Variants in ANKRD28 observed in about 807,000 individuals in gnomAD.
The protein encoded by ANKRD28 is serine/threonine-protein phosphatase 6 regulatory ankyrin repeat subunit A.
A neutral mutation model predicts 126.5 loss-of-function variants in ANKRD28; 44 were observed. The observed-to-expected ratio is 0.35, with a 90% CI of 0.27 to 0.45. ANKRD28 has a LOEUF of 0.45. Among genes scored for constraint, ANKRD28 ranks in the 20% least tolerant of loss-of-function variants. The pLI, the probability that ANKRD28 is intolerant of heterozygous loss-of-function variation, is 1.00. For synonymous variants in ANKRD28, 442 were observed against 468.5 expected (o/e 0.94, Z 0.73); for missense variants, 1,110 against 1,316.6 (o/e 0.84, Z 2.43).
At chr3:15,825,838 T>TA (rs1174551137) in intron 1 of ANKRD28, among the ~76,000 whole-genome samples, 1 of 152,158 alleles carries the variant, frequency 6.6e-6, no homozygotes, top group Non-Finnish European at 1.5e-5. Flanking sequence ...CAAAAATATG[T>TA]AAAAATATAT....
intron 2 of ANKRD28, among the ~76,000 whole-genome samples, chr3:15,771,917 G>A (rs1031103335): frequency 3.9e-5 from 6 of 152,146 alleles, no homozygotes; most frequent in Non-Finnish European, 8.8e-5. Flanking sequence ...AAATTGCCAA[G>A]TATTTGGGAT....
chr3:15,674,283 T>C (rs1029046825), intron 27 of ANKRD28, among the ~76,000 whole-genome samples: 1 of 150,498 alleles, frequency 6.6e-6, no homozygotes, highest in African/African-American at 2.4e-5. Context: ...AAGAAAAAAG[T>C]GGGCATACTT....
chr3:15,696,069 A>AT, intron 15 of ANKRD28, 65 bp downstream of exon 15: 1 of 1,121,782 alleles, frequency 8.9e-7, no homozygotes, highest in Non-Finnish European at 1.3e-6. Flanking sequence ...ATTTATTCTC[A>AT]TTTTTGTTAC....
At chr3:15,753,352 G>C (rs1383848049) in intron 3 of ANKRD28, among the ~76,000 whole-genome samples, 2 of 152,346 alleles carry the variant, frequency 1.3e-5, no homozygotes, top group South Asian at 4.1e-4. Flanking sequence ...ATGTTTGCCA[G>C]CTGGAAGCTG....
chr3:15,850,208 T>TAC (rs2061614658), intron 1 of ANKRD28, among the ~76,000 whole-genome samples: 1 of 48,754 alleles, frequency 2.1e-5, no homozygotes, highest in Non-Finnish European at 4.2e-5. Flanking sequence ...AAAAAAAATA[T>TAC]ATATATATAT....
Position 15,797,702 on chromosome 3 carries a change from T to C in ANKRD28, c.-1181A>G, listed in dbSNP as rs373306834. On this transcript the variant is annotated 5_prime_UTR_variant, in exon 1 of 28. It adds an upstream start codon to the 5' untranslated region. Transcript: ENST00000683139. ...TGCATCTTCTTTGAGCCAACTACTT[T>C]ATTCAGTCATCTGCCTCTTTGCCAA... The C allele has an allele frequency of 5.1e-6, 5 of 985,436 alleles. No homozygotes were observed. The highest frequency in any genetic ancestry group is 1.7e-5 in the African/African-American group (1 of 57,354). 61.0% of individuals were successfully genotyped at this position (985,436 alleles called of 1,614,324 possible).
intron 4 of ANKRD28, among the ~76,000 whole-genome samples, chr3:15,749,095 G>GTTGTTTTTT (rs2057684898): frequency 9.3e-6 from 1 of 106,994 alleles, no homozygotes; most frequent in Non-Finnish European, 1.8e-5. Context: ...TCTATATTAT[G>GTTGTTTTTT]TTTTTGTTTT....
chr3:15,716,261 C>T (rs901814520), intron 8 of ANKRD28, among the ~76,000 whole-genome samples: 8 of 149,946 alleles, frequency 5.3e-5, no homozygotes, highest in African/African-American at 2.0e-4. Context: ...GGATTACAGG[C>T]ATGAGCCACC....
intron 5 of ANKRD28, 52 bp from the exon 6 acceptor site, chr3:15,735,549 A>G: frequency 7.5e-7 from 1 of 1,334,934 alleles, no homozygotes; most frequent in Non-Finnish European, 1.0e-6. Flanking sequence ...ACAATTGTCT[A>G]TGAATGTACA....
At chr3:15,681,854 G>A (rs534984631) in intron 21 of ANKRD28, among the ~76,000 whole-genome samples, 3 of 152,170 alleles carry the variant, frequency 2.0e-5, no homozygotes, top group Non-Finnish European at 2.9e-5. Context: ...AGAAACCAAT[G>A]ATGCTGCTAA....
intron 3 of ANKRD28, among the ~76,000 whole-genome samples, chr3:15,761,247 C>G (rs2058441750): frequency 2.6e-5 from 4 of 152,078 alleles, no homozygotes; most frequent in Non-Finnish European, 5.9e-5. Context: ...ATTATACCTA[C>G]CTGCTACTAA....
chr3:15,751,823 G>C lies in ANKRD28; in HGVS notation c.281-3C>G. On this transcript the variant is annotated splice_region_variant and splice_polypyrimidine_tract_variant and intron_variant, in intron 3 of 27. Coordinates refer to ENST00000683139, the MANE Select transcript of ANKRD28 (RefSeq NM_001349278.2). ...GTCTTTGGCATTAACTCTAGCTCCTGCAACAAGAAGAAAAAAATAAATTGA... is the reference window on the plus strand; with the variant it reads ...GTCTTTGGCATTAACTCTAGCTCCTCCAACAAGAAGAAAAAAATAAATTGA... 1 of 1,550,956 alleles carries C rather than the reference G, an allele frequency of 6.4e-7. No individual in the cohort carries two copies. The highest frequency in any genetic ancestry group is 1.4e-5 in the African/African-American group (1 of 72,924).
rs555529908 is a variant in ANKRD28, at chr3:15,846,827, C to T, written c.27+12550G>A. Among the ~76,000 whole-genome samples, 2 of 152,248 alleles carry T rather than the reference C, an allele frequency of 1.3e-5. No homozygotes were observed. Among genetic ancestry groups the T allele is most frequent in the Middle Eastern group, 3.4e-3 (1 of 294 alleles). ...AGTTGCTCTGGCAACCACCACCCAG[C>T]CAGCAGGTGGAAAAGAAAGACAATC... On this transcript the variant is annotated intron_variant, in intron 1 of 27. Transcript: ENST00000399451. The surrounding 1 kb of genome is among the most constrained non-coding windows in gnomAD (Gnocchi z 5.4).
intron 17 of ANKRD28, 140 bp from the exon 18 acceptor site, chr3:15,690,360 C>G: frequency 1.4e-6 from 1 of 703,318 alleles, no homozygotes; most frequent in African/African-American, 1.8e-5. Flanking sequence ...ATCGAGAATT[C>G]AGGAAGTTAA....
At chr3:15,726,662 T>C (rs966812613) in intron 6 of ANKRD28, among the ~76,000 whole-genome samples, 1 of 152,216 alleles carries the variant, frequency 6.6e-6, no homozygotes, top group African/African-American at 2.4e-5. Flanking sequence ...TAAAAAGTTA[T>C]CTAAAAGATA....
At chr3:15,702,884 A>ATTAT (rs2070819173) in intron 14 of ANKRD28, among the ~76,000 whole-genome samples, 1 of 152,000 alleles carries the variant, frequency 6.6e-6, no homozygotes, top group East Asian at 1.9e-4. Flanking sequence ...TTATAGGAAG[A>ATTAT]TTAGGATACG....
intron 10 of ANKRD28, among the ~76,000 whole-genome samples, chr3:15,713,289 G>A (rs180862059): frequency 7.9e-5 from 12 of 152,166 alleles, no homozygotes; most frequent in South Asian, 2.1e-4. Flanking sequence ...TCAAAACTGC[G>A]TTATTACTCA....
intron 4 of ANKRD28, among the ~76,000 whole-genome samples, chr3:15,748,194 G>A (rs2057610088): frequency 1.3e-5 from 2 of 152,128 alleles, no homozygotes; most frequent in South Asian, 4.2e-4. Flanking sequence ...TACATTCAAT[G>A]TTAGTATTGA....
intron 18 of ANKRD28, among the ~76,000 whole-genome samples, chr3:15,689,672 A>C (rs1019409408): frequency 1.3e-5 from 2 of 152,212 alleles, no homozygotes; most frequent in African/African-American, 4.8e-5. Context: ...ACTAGTTAAT[A>C]AATCTATTTT....
Sources: allele counts gnomAD v4.1 joint callset (sites outside exome capture counted in the v4.1 genomes callset), GRCh38; gene constraint gnomAD v4.1.1; non-coding constraint Gnocchi (gnomAD v3.1); transcripts MANE v1.5; gene names NCBI Gene and HGNC (gene_info 2026-07-23, HGNC 2026-07-21).